HMGCLL1: variants seen among roughly 807,000 people sequenced by gnomAD.
HMGCLL1 encodes 3-hydroxy-3-methylglutaryl-CoA lyase like 1, also known as 3-hydroxymethyl-3-methylglutaryl-CoA lyase, cytoplasmic.
A neutral mutation model predicts 39.1 loss-of-function variants in HMGCLL1; 36 were observed. The observed-to-expected ratio is 0.92, with a 90% CI of 0.71 to 1.22. The LOEUF is 1.22. Ranked by LOEUF, HMGCLL1 falls within the 50% of genes most tolerant of loss-of-function variation. The probability of loss-of-function intolerance (pLI) is 0.00; values close to 1 mark genes in which losing one functional copy is unlikely to be tolerated. For synonymous variants in HMGCLL1, 149 were observed against 144.0 expected, an observed-to-expected ratio of 1.03 and a Z score of -0.25; for missense variants, 451 against 416.5, an observed-to-expected ratio of 1.08 and a Z score of -0.72.
At chr6:55,456,472 A>C (rs1433203877) in intron 7 of HMGCLL1, among the ~76,000 whole-genome samples, 2 of 152,198 alleles carry the variant, frequency 1.3e-5, no homozygotes, top group Admixed American at 1.3e-4. Context: ...TGGACAGATT[A>C]ATGTCCAAGG....
chr6:55,626,211 T>C, the HMGCLL1 span, among the ~76,000 whole-genome samples: 1 of 152,140 alleles, frequency 6.6e-6, no homozygotes. Flanking sequence ...CTCACAGGAA[T>C]AGACACTCCA....
chr6:55,466,090 T>C (rs928378039), intron 7 of HMGCLL1, among the ~76,000 whole-genome samples: 3 of 152,056 alleles, frequency 2.0e-5, no homozygotes, highest in Non-Finnish European at 4.4e-5. Context: ...TTTGTAGAGA[T>C]CTTGCTTTTC....
chr6:55,633,721 A>ATCCTTCT, the HMGCLL1 span, among the ~76,000 whole-genome samples: 1 of 152,004 alleles, frequency 6.6e-6, no homozygotes, highest in Admixed American at 6.6e-5. Context: ...AAAAGATTAA[A>ATCCTTCT]ATTTCACAGC....
chr6:55,581,923 A>C (rs531096345), upstream of HMGCLL1, among the ~76,000 whole-genome samples: 3 of 152,244 alleles, frequency 2.0e-5, no homozygotes, highest in East Asian at 5.8e-4. Context: ...TACTATGTAC[A>C]AAAGCATTCA....
chr6:55,659,359 A>G, the HMGCLL1 span, among the ~76,000 whole-genome samples: 1 of 151,930 alleles, frequency 6.6e-6, no homozygotes. Flanking sequence ...GTATAGTCTC[A>G]AAGATTCTCT....
At chr6:55,626,813 A>C in the HMGCLL1 span, among the ~76,000 whole-genome samples, 1 of 152,174 alleles carries the variant, frequency 6.6e-6, no homozygotes, top group Non-Finnish European at 1.5e-5. Flanking sequence ...CAAGAGGCTA[A>C]GAAAGGAGTC....
the HMGCLL1 span, among the ~76,000 whole-genome samples, chr6:55,627,010 C>A: frequency 6.3e-5 from 9 of 143,470 alleles, no homozygotes; most frequent in African/African-American, 1.0e-4. Flanking sequence ...TACAAATGAC[C>A]CAGACCCTTC....
chr6:55,519,715 T>C (rs933609065), intron 3 of HMGCLL1, among the ~76,000 whole-genome samples: 1 of 152,074 alleles, frequency 6.6e-6, no homozygotes, highest in African/African-American at 2.4e-5. Context: ...GTAAACATAG[T>C]ATGTATAAGT....
intron 7 of HMGCLL1, among the ~76,000 whole-genome samples, chr6:55,487,788 A>T (rs6459081): frequency 0.47 from 71,862 of 151,644 alleles, 17,073 homozygotes; most frequent in East Asian, 0.49. Context: ...ATGATCCCTG[A>T]TTAAAAACCT....
intron 5 of HMGCLL1, among the ~76,000 whole-genome samples, chr6:55,507,093 C>A (rs1242110681): frequency 2.6e-5 from 4 of 151,722 alleles, no homozygotes; most frequent in Non-Finnish European, 5.9e-5. Flanking sequence ...AAGCATTGAA[C>A]CTGTAAGACT....
chr6:55,657,772 C>A, the HMGCLL1 span, among the ~76,000 whole-genome samples: 496 of 152,060 alleles, frequency 3.3e-3, 5 homozygotes, highest in Middle Eastern at 0.01. Context: ...ATGGGTGGAG[C>A]TGGATACCAT....
chr6:55,666,874 C>T, the HMGCLL1 span, among the ~76,000 whole-genome samples: 6 of 151,552 alleles, frequency 4.0e-5, no homozygotes, highest in Non-Finnish European at 5.9e-5. Context: ...CAAAAGACAT[C>T]GCAACTGAGT....
intron 1 of HMGCLL1, among the ~76,000 whole-genome samples, chr6:55,578,674 A>G (rs1295551577): frequency 6.6e-6 from 1 of 152,228 alleles, no homozygotes; most frequent in Non-Finnish European, 1.5e-5. Flanking sequence ...AGGAAAACAC[A>G]GAGAAGGAAT....
chr6:55,477,566 C>A lies in HMGCLL1; in HGVS notation c.795+17853G>T, dbSNP rs531931778. Among the ~76,000 whole-genome samples the A allele has an allele frequency of 1.7e-3, 219 of 129,018 alleles. 7 individuals carry two copies. The highest frequency in any genetic ancestry group is 6.6e-3 in the African/African-American group (210 of 32,004). The allele number at this position is 129,018 out of a possible 152,430, so 84.6% of individuals were successfully genotyped here. A position where few individuals can be genotyped will look rare whatever the true frequency, so the allele number is the denominator to read the frequency against. On this transcript the variant is annotated intron_variant, in intron 7 of 8. Transcript: ENST00000274901. ...AAATAAATGATGGACCAAAAAAACC[C>A]ACAAAAATTGAATAGTAAAAAGTAC...
intron 1 of HMGCLL1, among the ~76,000 whole-genome samples, chr6:55,559,641 T>C (rs1770838543): frequency 6.6e-6 from 1 of 152,190 alleles, no homozygotes; most frequent in Non-Finnish European, 1.5e-5. Context: ...GCAATTATTA[T>C]AAGCCACAAA....
the HMGCLL1 span, among the ~76,000 whole-genome samples, chr6:55,665,535 T>C: frequency 6.6e-6 from 1 of 151,768 alleles, no homozygotes; most frequent in East Asian, 1.9e-4. Flanking sequence ...TGGTACTCCC[T>C]CTCTTGGTTG....
the HMGCLL1 span, among the ~76,000 whole-genome samples, chr6:55,654,922 T>C: frequency 6.6e-6 from 1 of 151,954 alleles, no homozygotes; most frequent in Admixed American, 6.6e-5. Flanking sequence ...CAATGATTCA[T>C]TCTAAAAATC....
At chr6:55,634,103 T>C in the HMGCLL1 span, among the ~76,000 whole-genome samples, 3,934 of 152,086 alleles carry the variant, frequency 0.026, 74 homozygotes, top group Middle Eastern at 0.075. Context: ...GCAAGCCTCA[T>C]CCTCAGTGAT....
intron 7 of HMGCLL1, among the ~76,000 whole-genome samples, chr6:55,468,481 A>G (rs1764886282): frequency 6.6e-6 from 1 of 151,930 alleles, no homozygotes; most frequent in South Asian, 2.1e-4. Context: ...AGAGAAGCCA[A>G]CCTTCTAGTG....
Sources: gnomAD v4.1 joint callset for allele counts (sites outside exome capture counted in the v4.1 genomes callset) on GRCh38, gnomAD v4.1.1 for gene constraint, MANE v1.5 for transcripts, NCBI Gene and HGNC (gene_info 2026-07-23, HGNC 2026-07-21) for gene names.